The following EIF2AK4 variants were observed in gnomAD, a reference collection of about 807,000 sequenced individuals.
EIF2AK4 encodes the protein eukaryotic translation initiation factor 2 alpha kinase 4.
In EIF2AK4, 139 loss-of-function variants were observed where a neutral mutation model predicts 211.1. The observed-to-expected ratio is 0.66, with a 90% CI of 0.57 to 0.76. EIF2AK4 has a LOEUF of 0.76. EIF2AK4 is among the 30% of genes least tolerant of loss of function. EIF2AK4 has a pLI of 0.00. For missense variants in EIF2AK4, 1,664 were observed against 2,043.8 expected (o/e 0.81, Z 3.58); for synonymous variants, 710 against 751.3 (o/e 0.94, Z 0.90).
intron 33 of EIF2AK4, among the ~76,000 whole-genome samples, chr15:40,028,078 CCT>C (rs2035488587): frequency 1.5e-5 from 2 of 131,000 alleles, no homozygotes; most frequent in African/African-American, 2.7e-5. Flanking sequence ...ATTTGCAACT[CCT>C]TTTTTTTTTT....
At chr15:40,033,981 T>C (rs1438709307) in intron 37 of EIF2AK4, among the ~76,000 whole-genome samples, 4 of 151,246 alleles carry the variant, frequency 2.6e-5, no homozygotes, top group South Asian at 4.2e-4. Flanking sequence ...TGAGCCGAGA[T>C]TGTGCCACTG....
rs989976928 is a variant in EIF2AK4 at position 39,959,383 on chromosome 15, A to T, written c.744-2401A>T. On this transcript the variant is annotated intron_variant, in intron 6 of 38. Coordinates refer to ENST00000263791, the MANE Select transcript of EIF2AK4 (RefSeq NM_001013703.4). ...TGGATGACATTGCATTTGTCTCTTT[A>T]TTCCTTCTTTTCAAACTCTGTGATT... is the stretch of plus-strand genomic sequence containing the variant. Among the ~76,000 whole-genome samples the T allele has an allele frequency of 3.3e-5, 5 of 152,272 alleles. No individual in the cohort carries two copies. The South Asian group carries it at 1.0e-3, about 32-fold the overall frequency.
At chr15:39,969,583 A>G (rs1486479634) in intron 9 of EIF2AK4, among the ~76,000 whole-genome samples, 3 of 152,086 alleles carry the variant, frequency 2.0e-5, no homozygotes, top group African/African-American at 7.2e-5. Flanking sequence ...GATGGTCTCA[A>G]TCTCCTGACC....
In EIF2AK4 at chr15:39,934,172, C is replaced by A; in HGVS notation, c.-24C>A. 7.1e-7 allele frequency: 1 copy of A among 1,409,582 alleles called. No homozygotes were observed. Among genetic ancestry groups the A allele is most frequent in the Middle Eastern group, 2.0e-4 (1 of 5,082 alleles). 87.3% of individuals were successfully genotyped at this position (1,409,582 alleles called of 1,614,324 possible). A position where few individuals can be genotyped will look rare whatever the true frequency, so the allele number is the denominator to read the frequency against. Reference sequence around the variant, plus strand: ...GCCCACCGCCGCCCAGGCAAGGCCGCCCTGCCTTGGGCGCAGCGCTGCCAT... The same window carrying A: ...GCCCACCGCCGCCCAGGCAAGGCCGACCTGCCTTGGGCGCAGCGCTGCCAT... On this transcript the variant is annotated 5_prime_UTR_variant, in exon 1 of 39. Coordinates refer to ENST00000263791, the MANE Select transcript of EIF2AK4 (RefSeq NM_001013703.4).
At chr15:39,957,457 G>A (rs994609876) in intron 6 of EIF2AK4, among the ~76,000 whole-genome samples, 5 of 152,082 alleles carry the variant, frequency 3.3e-5, no homozygotes, top group African/African-American at 1.2e-4. Context: ...CATTTTGCTT[G>A]CTGAGCCCCT....
At position 40,020,989 on chromosome 15, in the gene EIF2AK4, G is replaced by C. The variant is rs1328717556; in HGVS notation, c.4264G>C (p.Ala1422Pro). Residue 1422 changes from alanine to proline, a missense_variant, in exon 31 of 39, where the codon GCA (alanine) becomes CCA (proline). Physicochemically the swap from Ala to Pro is conservative, Grantham distance 27. This residue lies in a region of EIF2AK4 where 622 missense variants were observed against 796.8 expected (regional missense o/e 0.78). Transcript: ENST00000263791. ...AINLTQKLWT[A>P]GITAEIMYDW... ...CAACCTAACCCAGAAACTCTGGACA[G>C]CAGGCATCACAGCAGAAATCATGTA... 1.9e-6 allele frequency: 3 copies of C among 1,613,866 alleles called. No individual in the cohort carries two copies. The East Asian group carries it at 6.7e-5, about 36-fold the overall frequency.
At position 40,011,359 on chromosome 15, in the gene EIF2AK4, T is replaced by A; in HGVS notation, c.3759+13T>A. ...GTCTTCTAATAGTGTAAGTACCTTC[T>A]AATGGTATTATTACAGCTTTCTCTG... On this transcript the variant is annotated intron_variant, in intron 27 of 38. Coordinates refer to ENST00000263791, the MANE Select transcript of EIF2AK4 (RefSeq NM_001013703.4). 1 of 1,597,032 alleles carries A rather than the reference T, an allele frequency of 6.3e-7. No individual in the cohort carries two copies. The highest frequency in any genetic ancestry group is 8.6e-7 in the Non-Finnish European group (1 of 1,166,866).
At position 39,969,529 on chromosome 15, in the gene EIF2AK4, G is replaced by T. The variant is rs200162525; in HGVS notation, c.1553+1650G>T. ...GCGCCCGCTACTACACCCGGCTAATGTTTTGTATTTTTAGTAGAGACAGGG... is the reference window on the plus strand; with the variant it reads ...GCGCCCGCTACTACACCCGGCTAATTTTTTGTATTTTTAGTAGAGACAGGG... On this transcript the variant is annotated intron_variant, in intron 9 of 38. Coordinates refer to ENST00000263791, the MANE Select transcript of EIF2AK4 (RefSeq NM_001013703.4). Among the ~76,000 whole-genome samples the T allele has an allele frequency of 2.0e-5, 3 of 151,740 alleles. No homozygotes were observed. The East Asian group carries it at 5.8e-4, about 29-fold the overall frequency.
At chr15:40,013,668 G>A (rs915009737) in intron 27 of EIF2AK4, among the ~76,000 whole-genome samples, 2 of 152,132 alleles carry the variant, frequency 1.3e-5, no homozygotes, top group African/African-American at 4.8e-5. Flanking sequence ...ACCAGCATGG[G>A]AAGGACCCGC....
At chr15:40,029,626 A>G (rs1218381901) in intron 34 of EIF2AK4, among the ~76,000 whole-genome samples, 162 bp downstream of exon 34, 1 of 152,228 alleles carries the variant, frequency 6.6e-6, no homozygotes, top group African/African-American at 2.4e-5. Flanking sequence ...TTTGAAATCC[A>G]CATCCTAGAA....
rs769775788 is a variant in EIF2AK4, at chr15:39,976,634, G to C, written c.2039G>C (p.Arg680Pro). 1 of 1,604,974 alleles carries C rather than the reference G, an allele frequency of 6.2e-7. No homozygotes were observed. The highest frequency in any genetic ancestry group is 8.5e-7 in the Non-Finnish European group (1 of 1,177,002). ...PDSGPLAKDD[R>P]AARGQPASDT... ...TCCGGGCCCCTGGCCAAGGATGACC[G>C]AGCTGCACGCGGGCAGCCGGCGAGC... Residue 680 changes from arginine to proline, a missense_variant, in exon 12 of 39, where the codon CGA becomes CCA. Physicochemically the swap from Arg to Pro is moderately radical, Grantham distance 103. Coordinates refer to ENST00000263791, the MANE Select transcript of EIF2AK4 (RefSeq NM_001013703.4).
intron 3 of EIF2AK4, among the ~76,000 whole-genome samples, chr15:39,947,478 T>A (rs1239392452): frequency 6.6e-6 from 1 of 152,246 alleles, no homozygotes; most frequent in Non-Finnish European, 1.5e-5. Flanking sequence ...TTTTCAAATT[T>A]GTAAAGCCAA....
chr15:40,010,043 A>G (rs190622002), intron 26 of EIF2AK4, among the ~76,000 whole-genome samples: 6 of 152,338 alleles, frequency 3.9e-5, no homozygotes, highest in African/African-American at 1.4e-4. Context: ...GTTATTCACC[A>G]ACCTACTTAT....
At chr15:39,960,212 A>G (rs973464678) in intron 6 of EIF2AK4, among the ~76,000 whole-genome samples, 1 of 151,976 alleles carries the variant, frequency 6.6e-6, no homozygotes, top group South Asian at 2.1e-4. Context: ...GTGGTGTAAG[A>G]TATGAGTATC....
chr15:40,018,985 C>T, intron 29 of EIF2AK4, 108 bp from the exon 30 acceptor site: 1 of 800,458 alleles, frequency 1.2e-6, no homozygotes, highest in Admixed American at 2.8e-5. Context: ...TTGTTGAACT[C>T]TTTGATGATG....
intron 21 of EIF2AK4, among the ~76,000 whole-genome samples, chr15:40,001,579 A>G (rs567325633): frequency 6.8e-6 from 1 of 146,336 alleles, no homozygotes; most frequent in South Asian, 2.2e-4. Flanking sequence ...GGTTGCAGAG[A>G]GCCGAGATCG....
chr15:40,034,888 C>A, intron 38 of EIF2AK4, 139 bp from the exon 39 acceptor site: 1 of 598,368 alleles, frequency 1.7e-6, no homozygotes, highest in Non-Finnish European at 2.9e-6. Context: ...TGTATAAAAC[C>A]TATATAATTT....
chr15:40,009,769 C>A, intron 26 of EIF2AK4, 39 bp downstream of exon 26: 1 of 1,300,374 alleles, frequency 7.7e-7, no homozygotes, highest in Non-Finnish European at 1.1e-6. Flanking sequence ...AAGATAATAC[C>A]TTGATGTTGA....
At chr15:39,986,412 G>C (rs914959614) in intron 14 of EIF2AK4, among the ~76,000 whole-genome samples, 26 of 152,230 alleles carry the variant, frequency 1.7e-4, no homozygotes, top group African/African-American at 6.0e-4. Flanking sequence ...AGGCAAAGTG[G>C]CTTGACCAGG....
Sources: gnomAD v4.1 joint callset for allele counts (sites outside exome capture counted in the v4.1 genomes callset) on GRCh38, gnomAD v4.1.1 for gene constraint, gnomAD v4.1.1 regional missense constraint, MANE v1.5 for transcripts, NCBI Gene and HGNC (gene_info 2026-07-23, HGNC 2026-07-21) for gene names.